The following SWT1 variants were observed in gnomAD, a reference collection of about 807,000 sequenced individuals.
SWT1 encodes the protein transcriptional protein SWT1.
SWT1 carries 33 observed loss-of-function variants against 107.3 expected under a neutral mutation model. That is an observed-to-expected ratio of 0.31 (90% CI 0.23 to 0.41). The LOEUF is 0.41. SWT1 is among the 10% of genes least tolerant of loss of function. The pLI, the probability that SWT1 is intolerant of heterozygous loss-of-function variation, is 1.00. For missense variants in SWT1, 898 were observed against 1,028.9 expected (o/e 0.87, Z 1.74); for synonymous variants, 345 against 348.3 (o/e 0.99, Z 0.11).
At chr1:185,184,452 C>T (rs1656283794) in intron 8 of SWT1, 108 bp downstream of exon 8, 1 of 709,586 alleles carries the variant, frequency 1.4e-6, no homozygotes. Context: ...TTTAGATATG[C>T]TATATATTAA....
chr1:185,183,549 C>T (rs1439832039), intron 7 of SWT1, among the ~76,000 whole-genome samples: 1 of 152,180 alleles, frequency 6.6e-6, no homozygotes, highest in Non-Finnish European at 1.5e-5. Flanking sequence ...TCTCAAAGTG[C>T]TGGGATTACA....
chr1:185,231,510 C>A, intron 15 of SWT1, 67 bp from the exon 16 acceptor site: 2 of 1,153,390 alleles, frequency 1.7e-6, no homozygotes, highest in Non-Finnish European at 2.5e-6. Flanking sequence ...ACATTTGCAG[C>A]TGAAATACTT....
intron 16 of SWT1, among the ~76,000 whole-genome samples, chr1:185,239,135 A>G (rs567110128): frequency 1.3e-4 from 20 of 152,210 alleles, no homozygotes; most frequent in Admixed American, 1.1e-3. Flanking sequence ...GAAGTGAATG[A>G]AAACATATTT....
chr1:185,159,517 A>G (rs1653955093), intron 1 of SWT1, among the ~76,000 whole-genome samples: 1 of 152,164 alleles, frequency 6.6e-6, no homozygotes, highest in African/African-American at 2.4e-5. Flanking sequence ...TCAGAATGAA[A>G]GAGTTAATAT....
At chr1:185,239,437 T>C (rs1263499375) in intron 16 of SWT1, among the ~76,000 whole-genome samples, 1 of 152,122 alleles carries the variant, frequency 6.6e-6, no homozygotes. Context: ...GAAAAATTAG[T>C]GGAGCAGTTG....
chr1:185,245,519 TAGTAG>T (rs1289196765), intron 16 of SWT1, among the ~76,000 whole-genome samples: 1 of 152,168 alleles, frequency 6.6e-6, no homozygotes, highest in African/African-American at 2.4e-5. Flanking sequence ...ATAAAAAGTA[TAGTAG>T]AGTAAATATA....
At chr1:185,245,574 T>C (rs963856306) in intron 16 of SWT1, among the ~76,000 whole-genome samples, 3 of 152,186 alleles carry the variant, frequency 2.0e-5, no homozygotes, top group African/African-American at 4.8e-5. Context: ...TTGTTTATTA[T>C]CATTGTTAAG....
At chr1:185,185,377 T>C (rs1329211255) in intron 9 of SWT1, among the ~76,000 whole-genome samples, 1 of 152,066 alleles carries the variant, frequency 6.6e-6, no homozygotes, top group East Asian at 1.9e-4. Flanking sequence ...GTGTATAGAT[T>C]TTCCCCTCAT....
At chr1:185,283,665 G>A (rs1330270442) in intron 18 of SWT1, among the ~76,000 whole-genome samples, 2 of 152,102 alleles carry the variant, frequency 1.3e-5, no homozygotes, top group African/African-American at 4.8e-5. Context: ...TTCTTGCTCT[G>A]AAACTCATCA....
chr1:185,291,474 A>C lies in SWT1; in HGVS notation c.*671A>C, dbSNP rs1172823335. ...CTGGGTTTCTCCTTAAATGTGAAGCAAAATAAATTTATATAATGGAATTTG... is the reference window on the plus strand; with the variant it reads ...CTGGGTTTCTCCTTAAATGTGAAGCCAAATAAATTTATATAATGGAATTTG... On this transcript the variant is annotated 3_prime_UTR_variant, in exon 19 of 19. Transcript: ENST00000367500. The C allele has an allele frequency of 6.6e-6, 1 of 152,610 alleles. No homozygotes were observed. The highest frequency in any genetic ancestry group is 1.5e-5 in the Non-Finnish European group (1 of 68,038). 9.5% of individuals were successfully genotyped at this position (152,610 alleles called of 1,614,324 possible).
At chr1:185,189,469 C>T (rs925873526) in intron 9 of SWT1, among the ~76,000 whole-genome samples, 6 of 152,144 alleles carry the variant, frequency 3.9e-5, no homozygotes, top group Admixed American at 2.0e-4. Flanking sequence ...AGGAAGAGCA[C>T]ACACAGGAAA....
chr1:185,275,052 T>A (rs905016811), intron 17 of SWT1, among the ~76,000 whole-genome samples: 1 of 152,214 alleles, frequency 6.6e-6, no homozygotes, highest in Non-Finnish European at 1.5e-5. Flanking sequence ...CTTTTACAAC[T>A]AGAGATAAAT....
chr1:185,236,716 A>T (rs1363222294), intron 16 of SWT1, among the ~76,000 whole-genome samples: 1 of 152,198 alleles, frequency 6.6e-6, no homozygotes, highest in Non-Finnish European at 1.5e-5. Context: ...AAAATAGACC[A>T]ATGGGTTCTG....
intron 16 of SWT1, among the ~76,000 whole-genome samples, chr1:185,241,706 T>G (rs1439859625): frequency 6.6e-6 from 1 of 152,172 alleles, no homozygotes; most frequent in Non-Finnish European, 1.5e-5. Flanking sequence ...GATTATTTAA[T>G]GAGTGTTTTA....
chr1:185,231,455 C>A, intron 15 of SWT1, 122 bp from the exon 16 acceptor site: 1 of 742,060 alleles, frequency 1.3e-6, no homozygotes. Flanking sequence ...TTAAATAGAT[C>A]AGCATTCTGA....
chr1:185,197,492 C>T (rs1037868702), intron 10 of SWT1, among the ~76,000 whole-genome samples: 6 of 152,236 alleles, frequency 3.9e-5, no homozygotes, highest in Non-Finnish European at 1.5e-5. Flanking sequence ...AGGGAGGAGT[C>T]CCTCTTTTTC....
intron 12 of SWT1, 144 bp downstream of exon 12, chr1:185,205,007 G>GT (rs1658217253): frequency 5.7e-6 from 3 of 529,254 alleles, no homozygotes; most frequent in South Asian, 6.7e-5. Context: ...TTTTGAAATA[G>GT]TTTTTTGACA....
At chr1:185,198,442 A>C (rs1657586740) in intron 10 of SWT1, among the ~76,000 whole-genome samples, 1 of 151,964 alleles carries the variant, frequency 6.6e-6, no homozygotes, top group African/African-American at 2.4e-5. Context: ...TCTGTCTCTT[A>C]GGTCCACCTG....
chr1:185,285,869 A>G (rs1242984950), intron 18 of SWT1, among the ~76,000 whole-genome samples: 1 of 152,200 alleles, frequency 6.6e-6, no homozygotes. Context: ...TTGACCATAT[A>G]TGTGAGGGTT....
Sources: gnomAD v4.1 joint callset for allele counts (sites outside exome capture counted in the v4.1 genomes callset) on GRCh38, gnomAD v4.1.1 for gene constraint, MANE v1.5 for transcripts, NCBI Gene and HGNC (gene_info 2026-07-23, HGNC 2026-07-21) for gene names.